Variants in XRCC4 observed in about 807,000 individuals in gnomAD.
XRCC4 encodes the protein X-ray repair cross complementing 4.
A neutral mutation model predicts 39.1 loss-of-function variants in XRCC4; 28 were observed. The observed-to-expected ratio is 0.72, with a 90% CI of 0.53 to 0.98. The LOEUF is 0.98. Among genes scored for constraint, XRCC4 ranks in the 50% least tolerant of loss-of-function variants. XRCC4 has a pLI of 0.00. For synonymous variants in XRCC4, 123 were observed against 126.4 expected (o/e 0.97, Z 0.18); for missense variants, 350 against 376.4 (o/e 0.93, Z 0.58).
At chr5:83,368,826 C>T in the XRCC4 span, among the ~76,000 whole-genome samples, 1 of 152,090 alleles carries the variant, frequency 6.6e-6, no homozygotes, top group South Asian at 2.1e-4. Flanking sequence ...GTGTTAATAG[C>T]CTTTTGACAA....
chr5:83,290,639 T>C (rs2112975709), intron 7 of XRCC4, among the ~76,000 whole-genome samples: 1 of 151,956 alleles, frequency 6.6e-6, no homozygotes, highest in Middle Eastern at 3.4e-3. Context: ...AGGGAAAATT[T>C]TCATTCTGAC....
chr5:83,222,554 T>A (rs1420581061), intron 6 of XRCC4, among the ~76,000 whole-genome samples: 1 of 152,170 alleles, frequency 6.6e-6, no homozygotes, highest in Non-Finnish European at 1.5e-5. Context: ...TTCATCAGCC[T>A]GGAGAACCCT....
intron 6 of XRCC4, among the ~76,000 whole-genome samples, chr5:83,253,242 G>A (rs1437929757): frequency 1.3e-5 from 2 of 152,170 alleles, no homozygotes; most frequent in African/African-American, 2.4e-5. Context: ...GGGAGATGTG[G>A]TTACAAAGGC....
At chr5:83,340,926 AG>A (rs1253487823) in intron 7 of XRCC4, among the ~76,000 whole-genome samples, 1 of 152,156 alleles carries the variant, frequency 6.6e-6, no homozygotes, top group African/African-American at 2.4e-5. Flanking sequence ...TTCTCTTGAT[AG>A]CTAAAAGTAG....
intron 3 of XRCC4, among the ~76,000 whole-genome samples, chr5:83,155,013 C>T (rs549159094): frequency 6.6e-6 from 1 of 152,276 alleles, no homozygotes; most frequent in East Asian, 1.9e-4. Context: ...TTTACCTTGT[C>T]TGGAAATTCT....
Position 83,153,610 on chromosome 5 carries a change from A to G in XRCC4, c.316-42160A>G, listed in dbSNP as rs552574796. On this transcript the variant is annotated intron_variant, in intron 3 of 7. Transcript: ENST00000396027. ...CAGTGCGCACCTTCCTATCAGAATG[A>G]CTAAAATGAAAAATAGTGATGATGA... is the stretch of plus-strand genomic sequence containing the variant. Among the ~76,000 whole-genome samples, 4 of 152,336 alleles carry G rather than the reference A, an allele frequency of 2.6e-5. No homozygotes were observed. In the South Asian group the frequency reaches 8.3e-4, roughly 32 times the overall value.
intron 6 of XRCC4, among the ~76,000 whole-genome samples, chr5:83,216,118 A>G (rs1444375361): frequency 6.6e-6 from 1 of 152,214 alleles, no homozygotes; most frequent in African/African-American, 2.4e-5. Flanking sequence ...ACTCAATAAT[A>G]AGAAAATAAA....
At chr5:83,306,697 A>G (rs1755500356) in intron 7 of XRCC4, among the ~76,000 whole-genome samples, 1 of 152,208 alleles carries the variant, frequency 6.6e-6, no homozygotes, top group Admixed American at 6.5e-5. Context: ...ATGTGAGCAG[A>G]GCCACACAAG....
At position 83,111,200 on chromosome 5, in the gene XRCC4, C is replaced by T. The variant is rs1361402898; in HGVS notation, c.312C>T (p.Val104=). 1 of 1,577,544 alleles carries T rather than the reference C, an allele frequency of 6.3e-7. No homozygotes were observed. The highest frequency in any genetic ancestry group is 8.6e-7 in the Non-Finnish European group (1 of 1,167,378). The part of the protein sequence containing the change: ...YFFFEKNLKD[V]SFRLGSFNLE... ...TCTTTGAGAAAAACCTGAAAGATGT[C>T]TCAGTAAGTAAAACTTTCCAAAATG... The change falls in exon 3 of 8, where the codon GTC becomes GTT. Residue 104 remains valine (V), a synonymous_variant. Coordinates refer to ENST00000396027, the MANE Select transcript of XRCC4 (RefSeq NM_003401.5).
chr5:83,344,415 C>CTTTTTTTTTTTTTTTTTT (rs70973394), intron 7 of XRCC4, among the ~76,000 whole-genome samples: 1 of 115,240 alleles, frequency 8.7e-6, no homozygotes, highest in African/African-American at 3.7e-5. Flanking sequence ...TTATTTTTCA[C>CTTTTTTTTTTTTTTTTTT]TTTTTTTTTT....
rs7706769 is a variant in XRCC4 at position 83,131,230 on chromosome 5, C to T, written c.315+20027C>T. Reference sequence around the variant, plus strand: ...TTCTGCCTTCATTTTGTTATTTACCCGTAGTCATTCAGGGGCAGGTTGTTC... The same window carrying T: ...TTCTGCCTTCATTTTGTTATTTACCTGTAGTCATTCAGGGGCAGGTTGTTC... On this transcript the variant is annotated intron_variant, in intron 3 of 7. Transcript: ENST00000396027. Among the ~76,000 whole-genome samples the T allele has an allele frequency of 1.8e-4, 27 of 152,150 alleles. 1 individual carries two copies. Among genetic ancestry groups the T allele is most frequent in the African/African-American group, 5.3e-4 (22 of 41,526 alleles).
At chr5:83,171,982 A>G (rs1157341197) in intron 3 of XRCC4, among the ~76,000 whole-genome samples, 1 of 152,194 alleles carries the variant, frequency 6.6e-6, no homozygotes, top group African/African-American at 2.4e-5. Context: ...TGGACAAAAT[A>G]TGTTTTTACT....
At chr5:83,298,414 T>A (rs1755167658) in intron 7 of XRCC4, among the ~76,000 whole-genome samples, 1 of 151,984 alleles carries the variant, frequency 6.6e-6, no homozygotes, top group African/African-American at 2.4e-5. Flanking sequence ...TCTAAGGCTG[T>A]ATAATTTGAT....
intron 7 of XRCC4, among the ~76,000 whole-genome samples, chr5:83,284,166 C>T (rs966980237): frequency 2.7e-5 from 4 of 150,094 alleles, no homozygotes; most frequent in African/African-American, 4.9e-5. Context: ...ATTGATGATC[C>T]TATTCATGAA....
At chr5:83,192,307 A>ATG (rs1286062401) in intron 3 of XRCC4, among the ~76,000 whole-genome samples, 26 of 106,916 alleles carry the variant, frequency 2.4e-4, no homozygotes, top group Non-Finnish European at 5.9e-5. Context: ...CGTATATATA[A>ATG]TATATATATA....
rs543533281 is a variant in XRCC4 at position 83,233,442 on chromosome 5, C to T, written c.746-25088C>T. Among the ~76,000 whole-genome samples the T allele has an allele frequency of 1.2e-4, 19 of 152,250 alleles. 1 individual carries two copies. The South Asian group carries it at 3.9e-3, about 32-fold the overall frequency. ...CTGATGTTAATAATCAACTATATCA[C>T]TTTTGAAGACTTAGTTTAATATATG... is the stretch of plus-strand genomic sequence containing the variant. On this transcript the variant is annotated intron_variant, in intron 6 of 7. Coordinates refer to ENST00000396027, the MANE Select transcript of XRCC4 (RefSeq NM_003401.5).
At chr5:83,341,223 G>C (rs1475939259) in intron 7 of XRCC4, among the ~76,000 whole-genome samples, 8 of 151,210 alleles carry the variant, frequency 5.3e-5, no homozygotes, top group Non-Finnish European at 8.8e-5. Flanking sequence ...AACAGTTTAA[G>C]AGAATATTCA....
intron 3 of XRCC4, among the ~76,000 whole-genome samples, chr5:83,117,892 C>A (rs1456082864): frequency 1.3e-5 from 2 of 151,948 alleles, no homozygotes; most frequent in Non-Finnish European, 2.9e-5. Context: ...GGTGCTCTCC[C>A]CTTGCCTGGA....
intron 6 of XRCC4, among the ~76,000 whole-genome samples, chr5:83,219,700 A>G (rs943063187): frequency 2.6e-5 from 4 of 152,318 alleles, no homozygotes; most frequent in Admixed American, 6.5e-5. Flanking sequence ...CTGTAAATGT[A>G]TACTACACAC....
Sources: gnomAD v4.1 joint callset for allele counts (sites outside exome capture counted in the v4.1 genomes callset) on GRCh38, gnomAD v4.1.1 for gene constraint, MANE v1.5 for transcripts, NCBI Gene and HGNC (gene_info 2026-07-23, HGNC 2026-07-21) for gene names.